WWOX: variants seen among roughly 807,000 people sequenced by gnomAD.
WWOX encodes the protein WW domain containing oxidoreductase.
In WWOX, 69 loss-of-function variants were observed where a neutral mutation model predicts 46.2. That is an observed-to-expected ratio of 1.49 (90% CI 1.23 to 1.82). The LOEUF (loss-of-function observed/expected upper bound fraction) is 1.82, where lower values mean the gene tolerates loss of function less well. Ranked by LOEUF, WWOX falls within the 40% of genes most tolerant of loss-of-function variation. The pLI, the probability that WWOX is intolerant of heterozygous loss-of-function variation, is 0.00. For missense variants in WWOX, 919 were observed against 542.6 expected (o/e 1.69, Z -6.89); for synonymous variants, 359 against 202.6 (o/e 1.77, Z -6.56).
chr16:78,941,905 G>T (rs1341326284), intron 8 of WWOX, among the ~76,000 whole-genome samples: 1 of 152,112 alleles, frequency 6.6e-6, no homozygotes, highest in African/African-American at 2.4e-5. Flanking sequence ...TTACGGCGCT[G>T]ATTAAGTTCT....
chr16:79,208,474 G>C (rs16949935), intron 8 of WWOX, among the ~76,000 whole-genome samples: 4,377 of 152,172 alleles, frequency 0.029, 220 homozygotes, highest in African/African-American at 0.1. Flanking sequence ...AGTAAGCATT[G>C]ATGACAACTG....
At chr16:79,204,687 C>T (rs577282667) in intron 8 of WWOX, 10 of 152,274 alleles carry the variant, frequency 6.6e-5, no homozygotes, top group African/African-American at 2.4e-4. Context: ...GCCCTTCAAT[C>T]CTGCTGATAG....
intron 8 of WWOX, among the ~76,000 whole-genome samples, chr16:78,760,696 G>T (rs1290205781): frequency 6.6e-6 from 1 of 152,152 alleles, no homozygotes; most frequent in Non-Finnish European, 1.5e-5. Flanking sequence ...TGATTTCCGG[G>T]AGCAAAGCTG....
intron 5 of WWOX, among the ~76,000 whole-genome samples, chr16:78,177,613 A>T (rs2035392584): frequency 6.6e-6 from 1 of 152,104 alleles, no homozygotes; most frequent in Non-Finnish European, 1.5e-5. Flanking sequence ...TGTCGGGGAG[A>T]GGGCAGGCAG....
intron 5 of WWOX, among the ~76,000 whole-genome samples, chr16:78,233,415 C>T (rs1246595829): frequency 6.6e-6 from 1 of 151,998 alleles, no homozygotes; most frequent in African/African-American, 2.4e-5. Flanking sequence ...ACATTTTTAA[C>T]GTGCTGTGGT....
chr16:78,622,474 G>C (rs1314447688), intron 8 of WWOX, among the ~76,000 whole-genome samples: 1 of 151,820 alleles, frequency 6.6e-6, no homozygotes, highest in Non-Finnish European at 1.5e-5. Flanking sequence ...CCCAGGAGAC[G>C]GGGGTTGCAG....
chr16:78,286,590 A>AT (rs936153308), intron 5 of WWOX, among the ~76,000 whole-genome samples: 224 of 150,368 alleles, frequency 1.5e-3, no homozygotes, highest in African/African-American at 4.9e-3. Flanking sequence ...TTGATTCTTG[A>AT]TTTTTTTTTT....
At chr16:78,110,868 C>T (rs915399903) in intron 3 of WWOX, among the ~76,000 whole-genome samples, 1 of 152,196 alleles carries the variant, frequency 6.6e-6, no homozygotes, top group Non-Finnish European at 1.5e-5. Context: ...CCAGCACCTG[C>T]TCCAGGGACT....
At chr16:79,141,182 A>G (rs2050082263) in intron 8 of WWOX, among the ~76,000 whole-genome samples, 1 of 152,206 alleles carries the variant, frequency 6.6e-6, no homozygotes, top group Admixed American at 6.5e-5. Flanking sequence ...GAAACTCAAA[A>G]GAATGCAAAC....
chr16:78,997,726 G>T (rs773030375), intron 8 of WWOX, among the ~76,000 whole-genome samples: 1 of 151,516 alleles, frequency 6.6e-6, no homozygotes, highest in Admixed American at 6.6e-5. Flanking sequence ...TATTCCCCTA[G>T]AAGGAAATAT....
At chr16:78,605,129 A>G (rs1462261898) in intron 8 of WWOX, among the ~76,000 whole-genome samples, 1 of 150,364 alleles carries the variant, frequency 6.7e-6, no homozygotes, top group South Asian at 2.1e-4. Flanking sequence ...TAGCCTGGCT[A>G]GCTTTTTTTT....
intron 8 of WWOX, among the ~76,000 whole-genome samples, chr16:78,725,062 G>C (rs541065676): frequency 9.2e-5 from 14 of 152,220 alleles, no homozygotes; most frequent in African/African-American, 3.1e-4. Context: ...GGGAGGGACC[G>C]GGTGGGAGAA....
At chr16:78,956,279 G>T (rs1389305704) in intron 8 of WWOX, among the ~76,000 whole-genome samples, 1 of 152,180 alleles carries the variant, frequency 6.6e-6, no homozygotes, top group African/African-American at 2.4e-5. Context: ...CTGAGTAGCT[G>T]GGATTATAGG....
chr16:78,700,247 T>G (rs895290417), intron 8 of WWOX, among the ~76,000 whole-genome samples: 3 of 151,186 alleles, frequency 2.0e-5, no homozygotes, highest in Non-Finnish European at 4.4e-5. Context: ...ATGGTTGGTT[T>G]CTGGTGAGTG....
At position 78,386,041 on chromosome 16, in the gene WWOX, C is replaced by T. The variant is rs183217543; in HGVS notation, c.517-819C>T. Among the ~76,000 whole-genome samples the T allele has an allele frequency of 2.0e-5, 3 of 152,320 alleles. No individual in the cohort carries two copies. The East Asian group carries it at 5.8e-4, about 29-fold the overall frequency. On this transcript the variant is annotated intron_variant, in intron 5 of 8. Transcript: ENST00000566780. Reference sequence around the variant, plus strand: ...ACCATTGCTTCAAATCCCGACCTCTCCAGTTCTCCTGGTTTCTTGCTAGGC... The same window carrying T: ...ACCATTGCTTCAAATCCCGACCTCTTCAGTTCTCCTGGTTTCTTGCTAGGC...
chr16:78,436,298 G>C (rs550051147), intron 8 of WWOX, among the ~76,000 whole-genome samples: 45 of 152,172 alleles, frequency 3.0e-4, no homozygotes, highest in Non-Finnish European at 5.3e-4. Flanking sequence ...GAGGTTTACT[G>C]GCCAGGTAGA....
At chr16:78,487,048 A>G (rs2084655796) in intron 8 of WWOX, among the ~76,000 whole-genome samples, 1 of 152,194 alleles carries the variant, frequency 6.6e-6, no homozygotes, top group Non-Finnish European at 1.5e-5. Flanking sequence ...CCTGCTTGGT[A>G]CATGCCAGAT....
At chr16:78,184,961 A>G (rs999103924) in intron 5 of WWOX, among the ~76,000 whole-genome samples, 2 of 152,190 alleles carry the variant, frequency 1.3e-5, no homozygotes, top group African/African-American at 2.4e-5. Context: ...GCTTGGAGGG[A>G]TCTGTGAGAT....
chr16:78,756,272 C>T (rs2049643841), intron 8 of WWOX, among the ~76,000 whole-genome samples: 1 of 152,084 alleles, frequency 6.6e-6, no homozygotes, highest in Non-Finnish European at 1.5e-5. Context: ...TGTTGGCAGA[C>T]AGTTTTGTTC....
Sources: gnomAD v4.1 joint callset for allele counts (sites outside exome capture counted in the v4.1 genomes callset) on GRCh38, gnomAD v4.1.1 for gene constraint, MANE v1.5 for transcripts, NCBI Gene and HGNC (gene_info 2026-07-23, HGNC 2026-07-21) for gene names.